PRDM2: variants seen among roughly 807,000 people sequenced by gnomAD.
PRDM2 encodes PR/SET domain 2, also known as PR domain zinc finger protein 2.
Under a neutral mutation model 130.0 loss-of-function variants are expected in PRDM2, and 30 were observed. That is an observed-to-expected ratio of 0.23 (90% confidence interval 0.17 to 0.31). The LOEUF is 0.31. PRDM2 is among the 10% of genes least tolerant of loss of function. The pLI, the probability that PRDM2 is intolerant of heterozygous loss-of-function variation, is 1.00. For missense variants in PRDM2, 2,011 were observed against 2,108.4 expected (o/e 0.95, Z 0.90); for synonymous variants, 871 against 782.4 (o/e 1.11, Z -1.89).
intron 2 of PRDM2, among the ~76,000 whole-genome samples, chr1:13,721,747 A>G (rs1211669103): frequency 1.3e-5 from 2 of 152,170 alleles, no homozygotes; most frequent in African/African-American, 4.8e-5. Context: ...TTATGTTAGG[A>G]TAGTAACACT....
chr1:13,726,906 T>C (rs140453824), intron 2 of PRDM2, among the ~76,000 whole-genome samples: 1 of 152,310 alleles, frequency 6.6e-6, no homozygotes, highest in Non-Finnish European at 1.5e-5. Context: ...CAGGGCGTAC[T>C]GGGAGACGCC....
chr1:13,712,912 T>G (rs1642415981), intron 1 of PRDM2, among the ~76,000 whole-genome samples: 1 of 152,240 alleles, frequency 6.6e-6, no homozygotes, highest in Non-Finnish European at 1.5e-5. Flanking sequence ...ACATTGCCTC[T>G]TCATGCGCCC....
intron 8 of PRDM2, among the ~76,000 whole-genome samples, chr1:13,811,162 C>A (rs994424202): frequency 6.6e-6 from 1 of 151,810 alleles, no homozygotes; most frequent in Non-Finnish European, 1.5e-5. Flanking sequence ...CCAGCCTGAG[C>A]GACAGAGTGA....
At chr1:13,701,660 A>T (rs1005719734) in intron 1 of PRDM2, among the ~76,000 whole-genome samples, 18 of 152,192 alleles carry the variant, frequency 1.2e-4, no homozygotes, top group African/African-American at 4.1e-4. Flanking sequence ...TGACCTTTAA[A>T]GATCATTTTT....
intron 5 of PRDM2, among the ~76,000 whole-genome samples, chr1:13,749,141 G>C (rs994955499): frequency 1.3e-5 from 2 of 151,884 alleles, no homozygotes; most frequent in Non-Finnish European, 2.9e-5. Flanking sequence ...CGCGCCCCTC[G>C]CCCCACGCCG....
In PRDM2 at chr1:13,780,381, C is replaced by T; in HGVS notation, c.2586C>T (p.Gly862=). 1 of 1,614,074 alleles carries T rather than the reference C, an allele frequency of 6.2e-7. No homozygotes were observed. The highest frequency in any genetic ancestry group is 8.5e-7 in the Non-Finnish European group (1 of 1,180,036). The part of the protein sequence containing the change: ...VHKKHCSDSE[G]KEFKESHSVQ... ...AAAAGCATTGTAGTGACTCTGAAGG[C>T]AAGGAATTCAAAGAAAGTCATTCAG... The change falls in exon 8 of 10, where the codon GGC becomes GGT. Residue 862 remains glycine, a synonymous_variant. Transcript: ENST00000311066.
chr1:13,821,128 C>T (rs530377058), intron 9 of PRDM2, among the ~76,000 whole-genome samples: 1 of 152,118 alleles, frequency 6.6e-6, no homozygotes, highest in South Asian at 2.1e-4. Context: ...CTACTTCACG[C>T]CTCTGTGTTT....
At chr1:13,783,064 C>A in intron 8 of PRDM2, 1 of 964,612 alleles carries the variant, frequency 1.0e-6, no homozygotes, top group Non-Finnish European at 1.5e-6. Context: ...TTTAATGTGG[C>A]CAGATGTAAA....
chr1:13,745,087 T>C (rs1042902134), intron 5 of PRDM2, among the ~76,000 whole-genome samples: 1 of 152,260 alleles, frequency 6.6e-6, no homozygotes, highest in African/African-American at 2.4e-5. Context: ...GAGAGTCTAC[T>C]GTATACCAAG....
At chr1:13,709,446 G>A (rs879630775) in intron 1 of PRDM2, among the ~76,000 whole-genome samples, 2 of 152,236 alleles carry the variant, frequency 1.3e-5, no homozygotes, top group South Asian at 2.1e-4. Flanking sequence ...TTGAGAAGTT[G>A]GCATATTTCA....
chr1:13,782,120 A>G lies in PRDM2; in HGVS notation c.4325A>G (p.Gln1442Arg). ...CTTCAGAAAAACAAATCTGCAAAGC[A>G]GAAGGCCGACTTGAAAAATGCTTGT... ...AILQKNKSAK[Q>R]KADLKNACES... Residue 1442 changes from glutamine to arginine, a missense_variant, in exon 8 of 10, where the codon CAG becomes CGG. Gln to Arg is a conservative substitution (Grantham distance 43, BLOSUM62 1). Around this residue, in one of 5 missense-constraint regions of PRDM2, gnomAD observed 410 missense variants for 395.9 expected, o/e 1.04. Transcript: ENST00000311066. The G allele has an allele frequency of 6.2e-7, 1 of 1,614,056 alleles. No homozygotes were observed. The highest frequency in any genetic ancestry group is 8.5e-7 in the Non-Finnish European group (1 of 1,180,036).
At chr1:13,807,422 G>A (rs988175082) in intron 8 of PRDM2, among the ~76,000 whole-genome samples, 11 of 152,230 alleles carry the variant, frequency 7.2e-5, no homozygotes, top group Admixed American at 1.3e-4. Flanking sequence ...CTGCTAGACA[G>A]ACAGTAAACA....
chr1:13,821,146 C>T (rs1161164417), intron 9 of PRDM2, among the ~76,000 whole-genome samples: 3 of 150,520 alleles, frequency 2.0e-5, no homozygotes, highest in East Asian at 2.0e-4. Flanking sequence ...TTTCAATTCA[C>T]GCATCTGCGA....
chr1:13,765,365 A>G (rs1644199828), intron 6 of PRDM2, among the ~76,000 whole-genome samples: 1 of 152,108 alleles, frequency 6.6e-6, no homozygotes, highest in Non-Finnish European at 1.5e-5. Flanking sequence ...TCTATCATCA[A>G]CCCAACTGTA....
intron 8 of PRDM2, chr1:13,786,951 A>C: frequency 1.0e-6 from 1 of 993,270 alleles, no homozygotes; most frequent in South Asian, 4.6e-5. Context: ...GGATGCACTC[A>C]TTTAAAACGT....
chr1:13,700,833 C>T (rs905950335), intron 1 of PRDM2, among the ~76,000 whole-genome samples: 1 of 152,076 alleles, frequency 6.6e-6, no homozygotes, highest in Non-Finnish European at 1.5e-5. Context: ...AGATTGTCTC[C>T]CTCAATGTTC....
chr1:13,823,187 C>G lies in PRDM2; in HGVS notation c.*52C>G. 1 of 1,613,446 alleles carries G rather than the reference C, an allele frequency of 6.2e-7. No individual in the cohort carries two copies. Among genetic ancestry groups the G allele is most frequent in the Non-Finnish European group, 8.5e-7 (1 of 1,179,530 alleles). ...CTGAAGTGACCTGGAATCAGTGAAGCCAAAGGGACTGGCAGTCTGCCCTGC... is the reference window on the plus strand; with the variant it reads ...CTGAAGTGACCTGGAATCAGTGAAGGCAAAGGGACTGGCAGTCTGCCCTGC... On this transcript the variant is annotated 3_prime_UTR_variant, in exon 10 of 10. Coordinates refer to ENST00000311066, the MANE Select transcript of PRDM2 (RefSeq NM_001393986.1).
In PRDM2 at chr1:13,806,333, G is replaced by T. The variant is rs1645086733; in HGVS notation, c.5037-10094G>T. Among the ~76,000 whole-genome samples, 1 of 152,062 alleles carries T rather than the reference G, an allele frequency of 6.6e-6. No homozygotes were observed. The highest frequency in any genetic ancestry group is 2.4e-5 in the African/African-American group (1 of 41,390). On this transcript the variant is annotated intron_variant, in intron 8 of 9. Coordinates refer to ENST00000311066, the MANE Select transcript of PRDM2 (RefSeq NM_001393986.1). This position sits in a 1 kb window ranked among gnomAD's most constrained non-coding sequence, Gnocchi z 4.1. ...CGCTCCCCCTTGGTGATCTCATCCA[G>T]TCACATGCGTTAAATACCACCTGGA...
In PRDM2 at chr1:13,824,291, G is replaced by T. The variant is rs1645399668; in HGVS notation, c.*1156G>T. On this transcript the variant is annotated 3_prime_UTR_variant, in exon 10 of 10. Transcript: ENST00000311066. ...TCAAGAGTGAGCTATCAAACCCAGA[G>T]CGGAAGGAGGGAGCTCTGATGAGCA... 6.6e-6 allele frequency: 1 copy of T among 152,646 alleles called. No individual in the cohort carries two copies. The highest frequency in any genetic ancestry group is 2.1e-4 in the South Asian group (1 of 4,832). 9.5% of individuals were successfully genotyped at this position (152,646 alleles called of 1,614,324 possible). A position where few individuals can be genotyped will look rare whatever the true frequency, so the allele number is the denominator to read the frequency against.
Sources: gnomAD v4.1 joint callset for allele counts (sites outside exome capture counted in the v4.1 genomes callset) on GRCh38, gnomAD v4.1.1 for gene constraint, gnomAD v4.1.1 regional missense constraint, Gnocchi (gnomAD v3.1) non-coding constraint, MANE v1.5 for transcripts, NCBI Gene and HGNC (gene_info 2026-07-23, HGNC 2026-07-21) for gene names.